Variants in MIPEP observed in about 807,000 individuals in gnomAD.
MIPEP encodes the protein mitochondrial intermediate peptidase.
MIPEP carries 79 observed loss-of-function variants against 90.3 expected under a neutral mutation model. That is an observed-to-expected ratio of 0.87 (90% CI 0.73 to 1.05). The LOEUF is 1.05. Among genes scored for constraint, MIPEP ranks in the 50% least tolerant of loss-of-function variants. The probability of loss-of-function intolerance (pLI) is 0.00; values close to 1 mark genes in which losing one functional copy is unlikely to be tolerated. For missense variants in MIPEP, 940 were observed against 905.6 expected (o/e 1.04, Z -0.49); for synonymous variants, 334 against 315.8 (o/e 1.06, Z -0.61).
At chr13:23,736,455 T>C (rs4770487) in intron 18 of MIPEP, among the ~76,000 whole-genome samples, 115,620 of 152,096 alleles carry the variant, frequency 0.76, 44,661 homozygotes, top group Middle Eastern at 0.84. Context: ...TAAGAAAAGA[T>C]GGTACAAGCC....
intron 5 of MIPEP, among the ~76,000 whole-genome samples, chr13:23,871,088 G>A (rs929108883): frequency 6.6e-6 from 1 of 152,188 alleles, no homozygotes; most frequent in Non-Finnish European, 1.5e-5. Flanking sequence ...ATGATACAGT[G>A]AAGTCTAAGA....
intron 10 of MIPEP, among the ~76,000 whole-genome samples, chr13:23,849,606 C>T (rs1448704896): frequency 6.6e-6 from 1 of 152,170 alleles, no homozygotes; most frequent in Non-Finnish European, 1.5e-5. Flanking sequence ...AGAACCAGAA[C>T]ATACCACTAT....
chr13:23,824,579 C>G (rs186550370), intron 14 of MIPEP, among the ~76,000 whole-genome samples: 16 of 152,354 alleles, frequency 1.1e-4, no homozygotes, highest in Admixed American at 2.6e-4. Flanking sequence ...GATTTCCCAG[C>G]TGATCCCATC....
chr13:23,847,800 T>C (rs929889216), intron 10 of MIPEP, among the ~76,000 whole-genome samples: 5 of 152,214 alleles, frequency 3.3e-5, no homozygotes, highest in Admixed American at 6.5e-5. Flanking sequence ...ATGGTGATTG[T>C]GATAAAGTTA....
chr13:23,764,521 T>C (rs1399812556), intron 16 of MIPEP, among the ~76,000 whole-genome samples: 1 of 152,198 alleles, frequency 6.6e-6, no homozygotes, highest in Non-Finnish European at 1.5e-5. Flanking sequence ...GTGTGCTAGA[T>C]ATGGAATAAC....
chr13:23,812,281 T>A lies in MIPEP; in HGVS notation c.1654-2357A>T, dbSNP rs139460699. On this transcript the variant is annotated intron_variant, in intron 14 of 18. Coordinates refer to ENST00000382172, the MANE Select transcript of MIPEP (RefSeq NM_005932.4). Reference sequence around the variant, plus strand: ...GGATGTAGGAGTGAGATTTGCCAAATGAATAGGTGTTAACTAGACAAGAGA... The same window carrying A: ...GGATGTAGGAGTGAGATTTGCCAAAAGAATAGGTGTTAACTAGACAAGAGA... 5.3e-4 allele frequency among the ~76,000 whole-genome samples: 81 copies of A among 151,894 alleles called. 1 individual carries two copies. The East Asian group carries it at 0.012, about 23-fold the overall frequency.
At chr13:23,751,320 G>T (rs1952438088) in intron 18 of MIPEP, among the ~76,000 whole-genome samples, 1 of 152,172 alleles carries the variant, frequency 6.6e-6, no homozygotes, top group South Asian at 2.1e-4. Context: ...GAAACGTAAG[G>T]TATTATATTT....
At chr13:23,793,300 C>T (rs1447517169) in intron 16 of MIPEP, among the ~76,000 whole-genome samples, 1 of 152,178 alleles carries the variant, frequency 6.6e-6, no homozygotes, top group Non-Finnish European at 1.5e-5. Context: ...ATCTCACAGA[C>T]ATGTTGTATA....
chr13:23,887,050 G>A (rs751728411), intron 1 of MIPEP, among the ~76,000 whole-genome samples: 2 of 152,170 alleles, frequency 1.3e-5, no homozygotes, highest in Non-Finnish European at 2.9e-5. Context: ...GACAAGGTGA[G>A]ATCTCAGTAC....
At chr13:23,826,012 C>T (rs1868436650) in intron 14 of MIPEP, among the ~76,000 whole-genome samples, 1 of 151,620 alleles carries the variant, frequency 6.6e-6, no homozygotes, top group South Asian at 2.1e-4. Context: ...TCTCAAAAAT[C>T]AATTGGCTAT....
chr13:23,809,795 A>G (rs1014531903), intron 15 of MIPEP, 55 bp downstream of exon 15: 3 of 1,031,502 alleles, frequency 2.9e-6, no homozygotes, highest in Non-Finnish European at 4.5e-6. Flanking sequence ...GTAAAGTTAT[A>G]TATTTATTTG....
chr13:23,767,662 C>G (rs1028132999), intron 16 of MIPEP, among the ~76,000 whole-genome samples: 1 of 152,150 alleles, frequency 6.6e-6, no homozygotes, highest in Non-Finnish European at 1.5e-5. Flanking sequence ...CTATGTTGGC[C>G]AGGCTGGTCT....
chr13:23,837,002 G>C (rs142664088), intron 13 of MIPEP, among the ~76,000 whole-genome samples: 2 of 152,294 alleles, frequency 1.3e-5, no homozygotes, highest in East Asian at 3.9e-4. Context: ...ATGTGATAGG[G>C]AGCTTAAGAC....
chr13:23,756,513 T>A, intron 18 of MIPEP, 32 bp downstream of exon 18: 3 of 1,598,618 alleles, frequency 1.9e-6, no homozygotes, highest in Non-Finnish European at 2.6e-6. Flanking sequence ...TCAGCTTTCA[T>A]TATAGATGGT....
intron 16 of MIPEP, among the ~76,000 whole-genome samples, chr13:23,797,684 A>G (rs1725186498): frequency 6.6e-6 from 1 of 152,222 alleles, no homozygotes; most frequent in African/African-American, 2.4e-5. Context: ...CACATCATCA[A>G]GAGTGAGGAA....
intron 18 of MIPEP, among the ~76,000 whole-genome samples, chr13:23,735,752 A>T (rs1952255810): frequency 6.6e-6 from 1 of 152,218 alleles, no homozygotes; most frequent in South Asian, 2.1e-4. Context: ...TGAAGGTTCA[A>T]AAAGGAGGAA....
intron 14 of MIPEP, among the ~76,000 whole-genome samples, chr13:23,820,156 G>T (rs903325188): frequency 1.3e-5 from 2 of 152,072 alleles, no homozygotes; most frequent in Admixed American, 6.6e-5. Flanking sequence ...TCTTAATTTT[G>T]TATCTATAGA....
intron 4 of MIPEP, among the ~76,000 whole-genome samples, chr13:23,875,459 T>C (rs542722289): frequency 1.3e-5 from 2 of 152,182 alleles, no homozygotes; most frequent in Non-Finnish European, 2.9e-5. Context: ...GCTGAGTTTC[T>C]TGGCTAATGA....
Position 23,811,095 on chromosome 13 carries a change from T to C in MIPEP, c.1654-1171A>G, listed in dbSNP as rs1286718573. Among the ~76,000 whole-genome samples the C allele has an allele frequency of 2.6e-5, 4 of 152,274 alleles. No individual in the cohort carries two copies. The East Asian group carries it at 5.8e-4, about 22-fold the overall frequency. On this transcript the variant is annotated intron_variant, in intron 14 of 18. Transcript: ENST00000382172. ...GAAAGAAATACTTCCTCAAACAGGATTTTTAACAGTCAAGATTTATTTAAG... is the reference window on the plus strand; with the variant it reads ...GAAAGAAATACTTCCTCAAACAGGACTTTTAACAGTCAAGATTTATTTAAG...
Sources: allele counts gnomAD v4.1 joint callset (sites outside exome capture counted in the v4.1 genomes callset), GRCh38; gene constraint gnomAD v4.1.1; transcripts MANE v1.5; gene names NCBI Gene and HGNC (gene_info 2026-07-23, HGNC 2026-07-21).